Variants in ARID1B observed in about 807,000 individuals in gnomAD.
The protein encoded by ARID1B is AT-rich interactive domain-containing protein 1B.
A neutral mutation model predicts 212.3 loss-of-function variants in ARID1B; 30 were observed. The observed-to-expected ratio is 0.14, with a 90% CI of 0.11 to 0.19. The LOEUF is 0.19. ARID1B is among the 10% of genes least tolerant of loss of function. The pLI is 1.00. For missense variants in ARID1B, 2,891 were observed against 3,204.0 expected, an observed-to-expected ratio of 0.90 and a Z score of 2.36; for synonymous variants, 1,402 against 1,301.7, an observed-to-expected ratio of 1.08 and a Z score of -1.66.
intron 2 of ARID1B, among the ~76,000 whole-genome samples, chr6:156,850,332 C>T (rs1005424385): frequency 6.6e-6 from 1 of 151,928 alleles, no homozygotes; most frequent in Non-Finnish European, 1.5e-5. Context: ...ATTTTGGACG[C>T]CAGTATTCTT....
intron 2 of ARID1B, among the ~76,000 whole-genome samples, chr6:156,893,716 C>T (rs955112540): frequency 7.7e-4 from 117 of 152,194 alleles, no homozygotes; most frequent in African/African-American, 2.7e-3. Context: ...GCAAATTTCA[C>T]AATGAGTATG....
rs144798848 is a variant in ARID1B at position 156,984,517 on chromosome 6, A to C, written c.2247+48941A>C. 1.0e-3 allele frequency among the ~76,000 whole-genome samples: 156 copies of C among 152,292 alleles called. 1 individual carries two copies. The East Asian group carries it at 0.013, about 12-fold the overall frequency. On this transcript the variant is annotated intron_variant, in intron 4 of 19. Transcript: ENST00000636930. ...TAGTGAAATGTGAAGGGTTCATGACAGTGACTTGGTGTTACTAGAAAGCAA... is the reference window on the plus strand; with the variant it reads ...TAGTGAAATGTGAAGGGTTCATGACCGTGACTTGGTGTTACTAGAAAGCAA...
intron 6 of ARID1B, among the ~76,000 whole-genome samples, chr6:157,119,378 G>T (rs1787545128): frequency 6.6e-6 from 1 of 152,164 alleles, no homozygotes; most frequent in African/African-American, 2.4e-5. Context: ...GCACTGATCT[G>T]TGCGGTCAAG....
At chr6:157,036,501 A>G (rs1001341728) in intron 4 of ARID1B, 1 of 255,380 alleles carries the variant, frequency 3.9e-6, no homozygotes, top group Non-Finnish European at 7.8e-6. Context: ...CAAAAGGCAT[A>G]TGCAACATGT....
At chr6:156,819,814 G>A (rs762021759) in intron 1 of ARID1B, among the ~76,000 whole-genome samples, 4 of 152,188 alleles carry the variant, frequency 2.6e-5, no homozygotes, top group South Asian at 2.1e-4. Context: ...AGGACATGAC[G>A]TTGGAGCTGA....
chr6:156,778,261 A>T lies in ARID1B; in HGVS notation c.581A>T (p.Asn194Ile), dbSNP rs2114967724. Residue 194 changes from asparagine (N) to isoleucine (I), a missense_variant, in exon 1 of 20, where the codon AAC (asparagine) becomes ATC (isoleucine). Asn to Ile is a moderately radical substitution (Grantham distance 149, BLOSUM62 -3). Around this residue, in one of 7 missense-constraint regions of ARID1B, gnomAD observed 1,643 missense variants for 1,544.0 expected, o/e 1.06. Transcript: ENST00000636930. The stretch of plus-strand genomic sequence containing the variant: ...CACCACGCACTACAGCAGCAGCTAA[A>T]CCAGTTCCAGCAGCAGCAGCAGCAG... ...HHHHALQQQL[N>I]QFQQQQQQQQ... is the part of the protein sequence containing the mutation. The T allele has an allele frequency of 6.5e-7, 1 of 1,542,766 alleles. No homozygotes were observed. The highest frequency in any genetic ancestry group is 8.7e-7 in the Non-Finnish European group (1 of 1,146,668).
intron 1 of ARID1B, among the ~76,000 whole-genome samples, chr6:156,805,402 A>G (rs1234721909): frequency 2.0e-5 from 3 of 152,160 alleles, no homozygotes; most frequent in Admixed American, 2.0e-4. Flanking sequence ...TTCTGGGGTT[A>G]TTTTGAGGAT....
At chr6:156,794,230 G>A (rs988017727) in intron 1 of ARID1B, among the ~76,000 whole-genome samples, 2 of 152,052 alleles carry the variant, frequency 1.3e-5, no homozygotes, top group Non-Finnish European at 2.9e-5. Flanking sequence ...GCTAAGACAT[G>A]TAAAATTGCA....
rs190480260 is a variant in ARID1B, at chr6:157,033,368, G to A, written c.2248-51294G>A. ...CTTTAGTTCCTCTTTTTGTGACAGT[G>A]TGATACTGATTTTAGAACTATTTAA... On this transcript the variant is annotated intron_variant, in intron 4 of 19. Transcript: ENST00000636930. Among the ~76,000 whole-genome samples, 37 of 152,242 alleles carry A rather than the reference G, an allele frequency of 2.4e-4. No individual in the cohort carries two copies. In the East Asian group the frequency reaches 6.2e-3, roughly 25 times the overall value.
At chr6:156,803,234 C>G (rs1442168294) in intron 1 of ARID1B, among the ~76,000 whole-genome samples, 1 of 152,076 alleles carries the variant, frequency 6.6e-6, no homozygotes, top group African/African-American at 2.4e-5. Context: ...TAAGCCTTTT[C>G]AATGAAGATT....
rs574716553 is a variant in ARID1B, at chr6:156,950,798, T to C, written c.2247+15222T>C. ...GCACTTTACTTTTCCCCAACATTTT[T>C]ATTGACTGTCCTGTCATATCCCTTC... On this transcript the variant is annotated intron_variant, in intron 4 of 19. Transcript: ENST00000636930. Among the ~76,000 whole-genome samples the C allele has an allele frequency of 5.9e-5, 9 of 152,350 alleles. No individual in the cohort carries two copies. The East Asian group carries it at 1.7e-3, about 29-fold the overall frequency.
At chr6:156,923,664 A>G (rs868718527) in intron 3 of ARID1B, among the ~76,000 whole-genome samples, 3 of 151,794 alleles carry the variant, frequency 2.0e-5, no homozygotes, top group South Asian at 2.1e-4. Flanking sequence ...CACTGTCCTC[A>G]GCATCATGGC....
chr6:156,866,518 G>C (rs1354046369), intron 2 of ARID1B, among the ~76,000 whole-genome samples: 1 of 152,026 alleles, frequency 6.6e-6, no homozygotes, highest in Non-Finnish European at 1.5e-5. Flanking sequence ...CTCTTCTTGT[G>C]GGTTTGTTTT....
intron 4 of ARID1B, among the ~76,000 whole-genome samples, chr6:157,039,694 C>CTTCTTTCCTTCCTTCCTTCCTTCCTTCT (rs1781664143): frequency 8.6e-5 from 5 of 58,478 alleles, no homozygotes; most frequent in African/African-American, 3.1e-4. Flanking sequence ...TCCTTCCTTC[C>CTTCTTTCCTTCCTTCCTTCCTTCCTTCT]TTCTTTCTTT....
At chr6:157,054,909 T>A (rs1394957300) in intron 4 of ARID1B, among the ~76,000 whole-genome samples, 1 of 152,270 alleles carries the variant, frequency 6.6e-6, no homozygotes, top group Non-Finnish European at 1.5e-5. Flanking sequence ...ACTAGCTCAC[T>A]CATCCCCAGT....
intron 8 of ARID1B, among the ~76,000 whole-genome samples, chr6:157,153,170 C>T (rs1790327375): frequency 6.6e-6 from 1 of 152,102 alleles, no homozygotes; most frequent in Non-Finnish European, 1.5e-5. Context: ...TAAAATCGAC[C>T]TGCTGCATTG....
At chr6:157,191,641 T>C (rs1793382375) in intron 15 of ARID1B, among the ~76,000 whole-genome samples, 1 of 152,170 alleles carries the variant, frequency 6.6e-6, no homozygotes, top group Non-Finnish European at 1.5e-5. Context: ...TCTGAGCCAC[T>C]GTCCTTCAGT....
At chr6:157,053,023 A>G (rs944269809) in intron 4 of ARID1B, among the ~76,000 whole-genome samples, 4 of 151,544 alleles carry the variant, frequency 2.6e-5, no homozygotes, top group African/African-American at 9.7e-5. Flanking sequence ...CAGCGCTAAG[A>G]GCAGTTTTTA....
intron 4 of ARID1B, among the ~76,000 whole-genome samples, chr6:157,019,480 A>G (rs1443588851): frequency 1.3e-5 from 2 of 152,218 alleles, no homozygotes; most frequent in Non-Finnish European, 2.9e-5. Flanking sequence ...CACTGCTTGG[A>G]GGAGTTAAAT....
Sources: allele counts gnomAD v4.1 joint callset (sites outside exome capture counted in the v4.1 genomes callset), GRCh38; gene constraint gnomAD v4.1.1; regional missense constraint gnomAD v4.1.1; transcripts MANE v1.5; gene names NCBI Gene and HGNC (gene_info 2026-07-23, HGNC 2026-07-21).